GLIS3: variants seen among roughly 807,000 people sequenced by gnomAD.
GLIS3 encodes the protein GLIS family zinc finger 3, also known as zinc finger protein GLIS3.
GLIS3 carries 53 observed loss-of-function variants against 78.6 expected under a neutral mutation model. That is an observed-to-expected ratio of 0.67 (90% CI 0.54 to 0.85). GLIS3 has a LOEUF of 0.85. Ranked by LOEUF, GLIS3 falls within the 40% of genes least tolerant of loss-of-function variation. The pLI is 0.00. For synonymous variants in GLIS3, 684 were observed against 509.9 expected, an observed-to-expected ratio of 1.34 and a Z score of -4.60; for missense variants, 1,703 against 1,231.1, an observed-to-expected ratio of 1.38 and a Z score of -5.74.
At chr9:4,346,009 C>G (rs1026887535) in intron 2 of GLIS3, among the ~76,000 whole-genome samples, 1 of 151,914 alleles carries the variant, frequency 6.6e-6, no homozygotes, top group African/African-American at 2.4e-5. Flanking sequence ...ACACTTTTTT[C>G]AAATCAGTGA....
chr9:4,197,342 C>T (rs1196351593), intron 2 of GLIS3, among the ~76,000 whole-genome samples: 4 of 152,158 alleles, frequency 2.6e-5, no homozygotes, highest in African/African-American at 4.8e-5. Flanking sequence ...CCTAAACTGC[C>T]CTACCCTCCT....
chr9:4,235,924 G>C (rs1216471044), intron 2 of GLIS3, among the ~76,000 whole-genome samples: 1 of 152,038 alleles, frequency 6.6e-6, no homozygotes, highest in African/African-American at 2.4e-5. Flanking sequence ...GGTGCCAACT[G>C]ACAGAAACAA....
intron 2 of GLIS3, among the ~76,000 whole-genome samples, chr9:4,251,574 C>G (rs577526624): frequency 1.3e-5 from 2 of 152,164 alleles, no homozygotes; most frequent in African/African-American, 4.8e-5. Context: ...ATTTGCCAAT[C>G]TGCGTCTAAT....
chr9:4,449,177 T>C, the GLIS3 span, among the ~76,000 whole-genome samples: 74 of 152,326 alleles, frequency 4.9e-4, no homozygotes, highest in African/African-American at 1.7e-3. Flanking sequence ...ATACCATGCA[T>C]GGCTTGGCGG....
chr9:4,050,749 T>A (rs949206099), intron 4 of GLIS3, among the ~76,000 whole-genome samples: 1 of 152,180 alleles, frequency 6.6e-6, no homozygotes, highest in Non-Finnish European at 1.5e-5. Context: ...GTACTAACTT[T>A]TTAAAGCCTT....
chr9:4,090,975 A>G (rs954111169), intron 4 of GLIS3, among the ~76,000 whole-genome samples: 10 of 152,190 alleles, frequency 6.6e-5, no homozygotes, highest in African/African-American at 9.7e-5. Context: ...TGAGCAATGT[A>G]TTTAACCTCT....
chr9:4,475,597 C>G, the GLIS3 span, among the ~76,000 whole-genome samples: 1 of 152,020 alleles, frequency 6.6e-6, no homozygotes, highest in African/African-American at 2.4e-5. Flanking sequence ...TTATAATAAA[C>G]CTACACAGAG....
At chr9:4,478,887 T>C in the GLIS3 span, among the ~76,000 whole-genome samples, 402 of 152,290 alleles carry the variant, frequency 2.6e-3, no homozygotes, top group African/African-American at 8.7e-3. Context: ...GACATCAGAA[T>C]CCACTGTTCA....
intron 4 of GLIS3, among the ~76,000 whole-genome samples, chr9:3,938,685 G>C (rs2130800190): frequency 6.6e-6 from 1 of 152,220 alleles, no homozygotes; most frequent in South Asian, 2.1e-4. Flanking sequence ...TTTCAATTTT[G>C]ATATTTTGCT....
chr9:3,999,607 A>T (rs1354118279), intron 4 of GLIS3, among the ~76,000 whole-genome samples: 2 of 152,016 alleles, frequency 1.3e-5, no homozygotes, highest in Non-Finnish European at 2.9e-5. Context: ...AGACATTAAC[A>T]AAGATAATAA....
Position 4,286,405 on chromosome 9 carries a change from G to A in GLIS3, c.21C>T (p.Ser7=), listed in dbSNP as rs1428042863. ...TTCCCGATGTCCGGTGGAGACTCAT[G>A]CTGCATGATCTTCCATTCATTCTGA... MNGRSC[S]MSLHRTSGTP... Residue 7 remains serine, a synonymous_variant, in exon 2 of 11, where the codon AGC becomes AGT. Transcript: ENST00000381971. 40 of 1,613,990 alleles carry A rather than the reference G, an allele frequency of 2.5e-5. No individual in the cohort carries two copies. Among genetic ancestry groups the A allele is most frequent in the Non-Finnish European group, 3.3e-5 (39 of 1,180,046 alleles).
At chr9:4,385,535 G>C in the GLIS3 span, among the ~76,000 whole-genome samples, 1 of 151,738 alleles carries the variant, frequency 6.6e-6, no homozygotes, top group Admixed American at 6.6e-5. Context: ...TGTAGTGATG[G>C]GCACCTGTAA....
chr9:4,265,578 A>C (rs1462855672), intron 2 of GLIS3, among the ~76,000 whole-genome samples: 2 of 152,020 alleles, frequency 1.3e-5, no homozygotes, highest in Admixed American at 1.3e-4. Flanking sequence ...CTTCCATTCT[A>C]CCTCCTAAAA....
chr9:4,095,059 T>G (rs533767128), intron 4 of GLIS3, among the ~76,000 whole-genome samples: 27 of 152,316 alleles, frequency 1.8e-4, no homozygotes, highest in African/African-American at 6.3e-4. Flanking sequence ...TTCTAGCTAT[T>G]TGAAACTATA....
At chr9:4,383,590 T>C in the GLIS3 span, among the ~76,000 whole-genome samples, 4 of 144,256 alleles carry the variant, frequency 2.8e-5, no homozygotes, top group African/African-American at 5.2e-5. Context: ...ATTTCAACAC[T>C]TCTAAATTCT....
rs1029686442 is a variant in GLIS3, at chr9:4,295,764, GA to G, written c.-99+3656del. Among the ~76,000 whole-genome samples, 5 of 152,138 alleles carry G rather than the reference GA, an allele frequency of 3.3e-5. 1 individual carries two copies. The highest frequency in any genetic ancestry group is 1.2e-4 in the African/African-American group (5 of 41,428). ...CAAGATAAGTGTGCTTTTCCGTAAG[GA>G]TATTTCATCTCAATAGAAAATTTGG... On this transcript the variant is annotated intron_variant, in intron 1 of 10. Transcript: ENST00000381971.
intron 2 of GLIS3, among the ~76,000 whole-genome samples, chr9:4,182,238 C>G (rs10814862): frequency 3.9e-5 from 6 of 151,986 alleles, no homozygotes; most frequent in Admixed American, 3.9e-4. Context: ...TTTAACTGAG[C>G]AGTAGTGTGT....
chr9:3,940,797 T>C (rs558716226), intron 4 of GLIS3, among the ~76,000 whole-genome samples: 19 of 152,268 alleles, frequency 1.2e-4, no homozygotes, highest in Middle Eastern at 3.4e-3. Context: ...CCAAGCTCCT[T>C]GCTAGAAAAT....
In GLIS3 at chr9:3,845,157, A is replaced by T. The variant is rs549915313; in HGVS notation, c.2473+10852T>A. Among the ~76,000 whole-genome samples, 30 of 152,312 alleles carry T rather than the reference A, an allele frequency of 2.0e-4. 1 individual carries two copies. In the South Asian group the frequency reaches 3.7e-3, roughly 19 times the overall value. On this transcript the variant is annotated intron_variant, in intron 9 of 10. Transcript: ENST00000381971. ...ACAGAATTGCTAGAAAAAGTAAAAA[A>T]TGAAAAAAATGTTCATCAATAAGGG...
Sources: gnomAD v4.1 joint callset for allele counts (sites outside exome capture counted in the v4.1 genomes callset) on GRCh38, gnomAD v4.1.1 for gene constraint, MANE v1.5 for transcripts, NCBI Gene and HGNC (gene_info 2026-07-23, HGNC 2026-07-21) for gene names.